FBXL20: variants seen among roughly 807,000 people sequenced by gnomAD.
FBXL20 encodes the protein F-box/LRR-repeat protein 20.
FBXL20 carries 11 observed loss-of-function variants against 64.0 expected under a neutral mutation model. The observed-to-expected ratio is 0.17, with a 90% confidence interval of 0.11 to 0.28. The LOEUF is 0.28. FBXL20 is among the 10% of genes least tolerant of loss of function. The probability of loss-of-function intolerance (pLI) is 1.00; values close to 1 mark genes in which losing one functional copy is unlikely to be tolerated. For missense variants in FBXL20, 303 were observed against 526.2 expected (o/e 0.58, Z 4.15); for synonymous variants, 184 against 189.0 (o/e 0.97, Z 0.22).
At position 39,340,151 on chromosome 17, in the gene FBXL20, C is replaced by T. The variant is rs142192145; in HGVS notation, c.104+3029G>A. Among the ~76,000 whole-genome samples the T allele has an allele frequency of 3.1e-3, 466 of 151,996 alleles. 1 individual carries two copies. The highest frequency in any genetic ancestry group is 9.5e-3 in the African/African-American group (393 of 41,482). On this transcript the variant is annotated intron_variant, in intron 2 of 14. Coordinates refer to ENST00000264658, the MANE Select transcript of FBXL20 (RefSeq NM_032875.3). ...CTCGCTCTGTTGTGAGGCTGGAGCG[C>T]GGTGGCGCGATCTTGGCTCACTGCA...
At chr17:39,373,357 A>G (rs2047936491) in intron 1 of FBXL20, among the ~76,000 whole-genome samples, 2 of 152,102 alleles carry the variant, frequency 1.3e-5, no homozygotes, top group South Asian at 4.1e-4. Flanking sequence ...AGTGTTCTCC[A>G]TTTCTTCAGG....
At chr17:39,262,192 G>C (rs1200044452) in intron 14 of FBXL20, among the ~76,000 whole-genome samples, 1 of 152,092 alleles carries the variant, frequency 6.6e-6, no homozygotes, top group Non-Finnish European at 1.5e-5. Context: ...GTCTGAAGAG[G>C]GGAAGAGGAA....
At chr17:39,274,657 A>G (rs1164113827) in intron 10 of FBXL20, among the ~76,000 whole-genome samples, 1 of 152,212 alleles carries the variant, frequency 6.6e-6, no homozygotes, top group East Asian at 1.9e-4. Context: ...AACTACTTTG[A>G]GAAAAGAATT....
At chr17:39,319,033 G>A (rs879680193) in intron 2 of FBXL20, among the ~76,000 whole-genome samples, 3 of 151,526 alleles carry the variant, frequency 2.0e-5, no homozygotes, top group South Asian at 2.1e-4. Context: ...GGCAAATCAC[G>A]TGGTCAGGAG....
chr17:39,315,393 T>TTTTATATATATATATATATA (rs147050998), intron 2 of FBXL20, among the ~76,000 whole-genome samples: 5 of 134,552 alleles, frequency 3.7e-5, no homozygotes, highest in Admixed American at 7.5e-5. Flanking sequence ...TTTAAATAAT[T>TTTTATATATATATATATATA]TATATATATA....
chr17:39,283,430 TTTC>T (rs2046964250), intron 7 of FBXL20, among the ~76,000 whole-genome samples: 2 of 152,004 alleles, frequency 1.3e-5, no homozygotes, highest in African/African-American at 4.8e-5. Flanking sequence ...CATTTCAGAT[TTTC>T]TTTTCTTTCT....
intron 1 of FBXL20, among the ~76,000 whole-genome samples, chr17:39,394,845 C>T (rs1385343459): frequency 6.6e-6 from 1 of 152,110 alleles, no homozygotes; most frequent in East Asian, 1.9e-4. Context: ...AAGCCCGAGC[C>T]ACTGTGCCTG....
intron 1 of FBXL20, among the ~76,000 whole-genome samples, chr17:39,400,289 C>T (rs1409224814): frequency 6.6e-6 from 1 of 152,172 alleles, no homozygotes; most frequent in Non-Finnish European, 1.5e-5. Flanking sequence ...AATAAGAAAT[C>T]AAAGAATAGA....
chr17:39,277,732 C>T (rs1373656696), intron 9 of FBXL20, among the ~76,000 whole-genome samples: 1 of 105,814 alleles, frequency 9.5e-6, no homozygotes, highest in Non-Finnish European at 1.8e-5. Context: ...CCAGCTTGGG[C>T]AACAAGAGCA....
intron 1 of FBXL20, among the ~76,000 whole-genome samples, chr17:39,362,730 C>T (rs2047810441): frequency 6.6e-6 from 1 of 151,752 alleles, no homozygotes; most frequent in Non-Finnish European, 1.5e-5. Flanking sequence ...GATTCTCCTG[C>T]CTCAGCCTCC....
At chr17:39,366,356 C>T (rs894709887) in intron 1 of FBXL20, among the ~76,000 whole-genome samples, 1 of 152,122 alleles carries the variant, frequency 6.6e-6, no homozygotes, top group South Asian at 2.1e-4. Context: ...TCCATATGCT[C>T]AAATGCATCA....
Position 39,261,458 on chromosome 17 carries a change from T to C in FBXL20, c.*2A>G, listed in dbSNP as rs745686922. ...GTTCGCCAAGGTTGACCACCTCCATTGTCATAGGATGATGCAGCATCTGCA... is the reference window on the plus strand; with the variant it reads ...GTTCGCCAAGGTTGACCACCTCCATCGTCATAGGATGATGCAGCATCTGCA... On this transcript the variant is annotated 3_prime_UTR_variant, in exon 15 of 15. Coordinates refer to ENST00000264658, the MANE Select transcript of FBXL20 (RefSeq NM_032875.3). 6.2e-7 allele frequency: 1 copy of C among 1,611,766 alleles called. No individual in the cohort carries two copies. The highest frequency in any genetic ancestry group is 1.7e-4 in the Middle Eastern group (1 of 6,050).
chr17:39,401,460 G>C lies in FBXL20; in HGVS notation c.-58C>G. 2 of 1,550,438 alleles carry C rather than the reference G, an allele frequency of 1.3e-6. No homozygotes were observed. Among genetic ancestry groups the C allele is most frequent in the Non-Finnish European group, 1.7e-6 (2 of 1,148,896 alleles). On this transcript the variant is annotated 5_prime_UTR_variant, in exon 1 of 15. Transcript: ENST00000264658. ...GCGGCGAGCGGAGTGCACAGACCGG[G>C]GGCCCAGGACAGGCCCGGGAGTTCC...
chr17:39,273,702 C>G (rs1218302083), intron 10 of FBXL20, among the ~76,000 whole-genome samples: 1 of 151,900 alleles, frequency 6.6e-6, no homozygotes, highest in Non-Finnish European at 1.5e-5. Context: ...CGCCTGTAGT[C>G]CCAGCTACTA....
intron 1 of FBXL20, among the ~76,000 whole-genome samples, chr17:39,352,967 A>G (rs1269749604): frequency 1.3e-5 from 2 of 152,164 alleles, no homozygotes; most frequent in African/African-American, 2.4e-5. Flanking sequence ...GAGAGTACTT[A>G]AAGAGAGAGG....
chr17:39,261,790 A>C (rs34136860), intron 14 of FBXL20, among the ~76,000 whole-genome samples: 6,857 of 152,026 alleles, frequency 0.045, 516 homozygotes, highest in African/African-American at 0.16. Context: ...TTGTGTAATA[A>C]TAAAACTGAG....
At chr17:39,376,996 T>C (rs914940149) in intron 1 of FBXL20, among the ~76,000 whole-genome samples, 1 of 152,162 alleles carries the variant, frequency 6.6e-6, no homozygotes, top group African/African-American at 2.4e-5. Flanking sequence ...ACTGAGTTTA[T>C]AGTTTAAAAC....
Position 39,257,707 on chromosome 17 carries a change from C to T in FBXL20, c.*3753G>A, listed in dbSNP as rs906696081. 6.6e-6 allele frequency: 1 copy of T among 152,264 alleles called. No homozygotes were observed. The highest frequency in any genetic ancestry group is 1.5e-5 in the Non-Finnish European group (1 of 68,056). 9.4% of individuals were successfully genotyped at this position (152,264 alleles called of 1,614,324 possible). ...CCTGAGCCACCTAACAGTCACTGAA[C>T]TTTAAGGCTGCCTTTGACAGCCCCT... On this transcript the variant is annotated 3_prime_UTR_variant, in exon 15 of 15. Transcript: ENST00000264658.
At chr17:39,279,786 T>G (rs2046931961) in intron 9 of FBXL20, among the ~76,000 whole-genome samples, 1 of 151,844 alleles carries the variant, frequency 6.6e-6, no homozygotes, top group Non-Finnish European at 1.5e-5. Context: ...TAGTCCCAAC[T>G]ACTAGGGAGG....
Sources: gnomAD v4.1 joint callset for allele counts (sites outside exome capture counted in the v4.1 genomes callset) on GRCh38, gnomAD v4.1.1 for gene constraint, MANE v1.5 for transcripts, NCBI Gene and HGNC (gene_info 2026-07-23, HGNC 2026-07-21) for gene names.